SUSD1: variants seen among roughly 807,000 people sequenced by gnomAD.
SUSD1 encodes the protein sushi domain containing 1.
A neutral mutation model predicts 86.9 loss-of-function variants in SUSD1; 65 were observed. That is an observed-to-expected ratio of 0.75 (90% CI 0.61 to 0.92). The LOEUF (loss-of-function observed/expected upper bound fraction) is 0.92, where lower values mean the gene tolerates loss of function less well. SUSD1 is among the 40% of genes least tolerant of loss of function. The pLI is 0.00. For missense variants in SUSD1, 850 were observed against 929.7 expected (o/e 0.91, Z 1.11); for synonymous variants, 346 against 350.0 (o/e 0.99, Z 0.13).
At chr9:112,124,932 G>A (rs1052947657) in intron 5 of SUSD1, among the ~76,000 whole-genome samples, 7 of 152,058 alleles carry the variant, frequency 4.6e-5, no homozygotes, top group East Asian at 1.9e-4. Context: ...AGACAAACCC[G>A]GAATTACAAA....
At chr9:112,139,127 C>T (rs549782931) in intron 5 of SUSD1, among the ~76,000 whole-genome samples, 55 of 152,262 alleles carry the variant, frequency 3.6e-4, no homozygotes, top group African/African-American at 1.2e-3. Flanking sequence ...AGTGCCACAT[C>T]CAGATGGTTT....
intron 2 of SUSD1, among the ~76,000 whole-genome samples, chr9:112,157,063 T>C (rs1833360505): frequency 6.6e-6 from 1 of 152,218 alleles, no homozygotes; most frequent in Admixed American, 6.5e-5. Flanking sequence ...GGATGAATTC[T>C]GACAGACATA....
At chr9:112,114,337 G>A (rs149444847) in intron 6 of SUSD1, among the ~76,000 whole-genome samples, 2 of 152,002 alleles carry the variant, frequency 1.3e-5, no homozygotes, top group Non-Finnish European at 2.9e-5. Context: ...ACAAAAATTA[G>A]CTGGGCATGG....
chr9:112,044,536 T>C (rs760972873), intron 15 of SUSD1, among the ~76,000 whole-genome samples: 13 of 152,242 alleles, frequency 8.5e-5, no homozygotes, highest in Non-Finnish European at 1.8e-4. Flanking sequence ...ATTGTTTTTG[T>C]TGTTTTGATA....
At chr9:112,070,437 C>A (rs1829218913) in intron 12 of SUSD1, among the ~76,000 whole-genome samples, 1 of 152,228 alleles carries the variant, frequency 6.6e-6, no homozygotes. Flanking sequence ...AGGTGCTCTT[C>A]CTTGTCTCCC....
intron 10 of SUSD1, among the ~76,000 whole-genome samples, chr9:112,091,056 T>C (rs1026696973): frequency 4.6e-5 from 7 of 152,234 alleles, no homozygotes; most frequent in South Asian, 2.1e-4. Context: ...CACTAACTTA[T>C]CTGTTAAAAG....
At chr9:112,062,913 C>G in intron 13 of SUSD1, 24 bp downstream of exon 13, 1 of 1,512,342 alleles carries the variant, frequency 6.6e-7, no homozygotes, top group Non-Finnish European at 9.1e-7. Context: ...ACTGGGCAAC[C>G]GTGGAGAAAG....
chr9:112,041,313 C>T lies in SUSD1; in HGVS notation c.*179G>A. 1 of 662,204 alleles carries T rather than the reference C, an allele frequency of 1.5e-6. No individual in the cohort carries two copies. The highest frequency in any genetic ancestry group is 1.8e-5 in the African/African-American group (1 of 56,136). The allele number at this position is 662,204 out of a possible 1,614,324, so 41.0% of individuals were successfully genotyped here. A position where few individuals can be genotyped will look rare whatever the true frequency, so the allele number is the denominator to read the frequency against. On this transcript the variant is annotated 3_prime_UTR_variant, in exon 17 of 17. Transcript: ENST00000374270. ...CCTGAGTTTTCTCCTTATGGTGACT[C>T]CTCAGGGATAGCCACCATCTTAAAT...
At chr9:112,110,725 T>C (rs1381297340) in intron 8 of SUSD1, among the ~76,000 whole-genome samples, 1 of 151,538 alleles carries the variant, frequency 6.6e-6, no homozygotes, top group Non-Finnish European at 1.5e-5. Flanking sequence ...CTCATACCCA[T>C]AACCAGAGCT....
intron 5 of SUSD1, among the ~76,000 whole-genome samples, chr9:112,137,033 G>A (rs1161744623): frequency 2.0e-5 from 3 of 152,096 alleles, no homozygotes; most frequent in East Asian, 1.9e-4. Flanking sequence ...AAAGTGCATC[G>A]GGCTCTCATC....
chr9:112,089,828 A>G (rs748413963), intron 10 of SUSD1, among the ~76,000 whole-genome samples: 1,856 of 145,654 alleles, frequency 0.013, 23 homozygotes, highest in African/African-American at 0.023. Context: ...AAAAAAAAAA[A>G]AAAAGAAAAG....
At position 112,124,326 on chromosome 9, in the gene SUSD1, G is replaced by A. The variant is rs1220700907; in HGVS notation, c.817C>T (p.Pro273Ser). Residue 273 changes from proline (P) to serine (S), a missense_variant, in exon 6 of 17, where the codon CCT becomes TCT. Transcript: ENST00000374270. ...CAAACAGAAGTGATCTTTCCTCCAG[G>A]GCTCTCAAAGCCCTCTTGACAGACA... ...RYVCQEGFESPGGKITSVCTE... is the reference protein window; with the variant it reads ...RYVCQEGFESSGGKITSVCTE... 1 of 1,614,012 alleles carries A rather than the reference G, an allele frequency of 6.2e-7. No individual in the cohort carries two copies. The highest frequency in any genetic ancestry group is 1.3e-5 in the African/African-American group (1 of 74,992).
At chr9:112,160,603 C>T (rs905868007) in intron 1 of SUSD1, among the ~76,000 whole-genome samples, 3 of 152,070 alleles carry the variant, frequency 2.0e-5, no homozygotes, top group South Asian at 2.1e-4. Flanking sequence ...GTGGCTCATG[C>T]CTGTAATCTC....
chr9:112,103,498 C>T (rs938655392), intron 8 of SUSD1, among the ~76,000 whole-genome samples: 49 of 152,170 alleles, frequency 3.2e-4, no homozygotes, highest in African/African-American at 1.1e-3. Flanking sequence ...TGTCTCTGTA[C>T]AGGCAGAACA....
chr9:112,142,961 C>CTTTTTTTTTTTT lies in SUSD1; in HGVS notation c.527-474_527-463dup, dbSNP rs529470594. Among the ~76,000 whole-genome samples the CTTTTTTTTTTTT allele has an allele frequency of 1.7e-4, 5 of 30,216 alleles. 2 individuals carry two copies. Among genetic ancestry groups the CTTTTTTTTTTTT allele is most frequent in the Non-Finnish European group, 3.5e-4 (5 of 14,306 alleles). 19.8% of individuals were successfully genotyped at this position (30,216 alleles called of 152,430 possible). On this transcript the variant is annotated intron_variant, in intron 4 of 16. Coordinates refer to ENST00000374270, the MANE Select transcript of SUSD1 (RefSeq NM_022486.5). ...AATCCTTTAAGTTTATGAATTTTAG[C>CTTTTTTTTTTTT]TTTTTTTTTTTTTTTTTTTTTTTTT...
chr9:112,152,647 G>T (rs1402100669), intron 2 of SUSD1, among the ~76,000 whole-genome samples: 2 of 149,604 alleles, frequency 1.3e-5, no homozygotes, highest in South Asian at 2.1e-4. Flanking sequence ...TGGCCTCAAG[G>T]ATTCCTTGTG....
intron 10 of SUSD1, among the ~76,000 whole-genome samples, chr9:112,091,547 A>C (rs1396586789): frequency 6.6e-6 from 1 of 152,220 alleles, no homozygotes; most frequent in African/African-American, 2.4e-5. Context: ...CTTCTGCTAA[A>C]AAGAACTGAA....
chr9:112,156,003 A>G (rs1833293327), intron 2 of SUSD1, among the ~76,000 whole-genome samples: 1 of 151,760 alleles, frequency 6.6e-6, no homozygotes, highest in African/African-American at 2.4e-5. Flanking sequence ...AGAGAAAGAA[A>G]GAAAGAGAGA....
intron 5 of SUSD1, among the ~76,000 whole-genome samples, chr9:112,125,027 T>TATGAC (rs2131689949): frequency 6.6e-6 from 1 of 152,280 alleles, no homozygotes; most frequent in African/African-American, 2.4e-5. Flanking sequence ...GGTAAAAGAT[T>TATGAC]ATGACATAAC....
Sources: allele counts gnomAD v4.1 joint callset (sites outside exome capture counted in the v4.1 genomes callset), GRCh38; gene constraint gnomAD v4.1.1; transcripts MANE v1.5; gene names NCBI Gene and HGNC (gene_info 2026-07-23, HGNC 2026-07-21).